The following TESK2 variants were observed in gnomAD, a reference collection of about 807,000 sequenced individuals.
TESK2 encodes dual specificity testis-specific protein kinase 2.
Under a neutral mutation model 57.1 loss-of-function variants are expected in TESK2, and 39 were observed. The ratio of observed to expected loss-of-function variants is 0.68; its 90% CI spans 0.53 to 0.89. The LOEUF (loss-of-function observed/expected upper bound fraction) is 0.89. Among genes scored for constraint, TESK2 ranks in the 40% least tolerant of loss-of-function variants. The probability of loss-of-function intolerance (pLI) is 0.00; values close to 1 mark genes in which losing one functional copy is unlikely to be tolerated. For missense variants in TESK2, 646 were observed against 732.1 expected (o/e 0.88, Z 1.36); for synonymous variants, 249 against 267.9 (o/e 0.93, Z 0.69).
intron 4 of TESK2, among the ~76,000 whole-genome samples, chr1:45,360,252 A>G (rs1647624886): frequency 6.6e-6 from 1 of 152,184 alleles, no homozygotes; most frequent in Non-Finnish European, 1.5e-5. Flanking sequence ...CAGGGTTATA[A>G]GTGGGCAGTG....
At chr1:45,406,107 C>T (rs1418167967) in intron 3 of TESK2, among the ~76,000 whole-genome samples, 1 of 151,942 alleles carries the variant, frequency 6.6e-6, no homozygotes, top group African/African-American at 2.4e-5. Context: ...TGGTGCTCAC[C>T]TGTAGTCTCA....
At chr1:45,457,074 G>A (rs1363064173) in intron 2 of TESK2, among the ~76,000 whole-genome samples, 2 of 152,046 alleles carry the variant, frequency 1.3e-5, no homozygotes, top group East Asian at 3.9e-4. Context: ...CCTCAAGCGA[G>A]CCTCCTGAGT....
intron 4 of TESK2, among the ~76,000 whole-genome samples, chr1:45,369,657 A>G (rs1648094499): frequency 6.6e-6 from 1 of 151,752 alleles, no homozygotes; most frequent in East Asian, 1.9e-4. Flanking sequence ...GAATCAGGAA[A>G]GGTTTTATGG....
intron 3 of TESK2, among the ~76,000 whole-genome samples, chr1:45,402,724 C>T (rs926538918): frequency 6.6e-6 from 1 of 151,830 alleles, no homozygotes; most frequent in Non-Finnish European, 1.5e-5. Flanking sequence ...TCAGGTGATC[C>T]GCCCACCTCG....
At chr1:45,395,922 C>A (rs1050754427) in intron 3 of TESK2, among the ~76,000 whole-genome samples, 15 of 152,184 alleles carry the variant, frequency 9.9e-5, no homozygotes, top group African/African-American at 3.6e-4. Flanking sequence ...GTTAGTCTTT[C>A]TCTGAAGGAG....
intron 2 of TESK2, among the ~76,000 whole-genome samples, chr1:45,426,084 G>A (rs1326553392): frequency 7.2e-5 from 11 of 152,036 alleles, no homozygotes; most frequent in Non-Finnish European, 5.9e-5. Flanking sequence ...CCGGGAGGCA[G>A]AGGTTGCAGT....
At chr1:45,457,498 A>T (rs1386684480) in intron 2 of TESK2, 66 bp downstream of exon 2, 1 of 1,454,448 alleles carries the variant, frequency 6.9e-7, no homozygotes, top group Non-Finnish European at 9.6e-7. Flanking sequence ...AATTAAACAC[A>T]ACTATCAACC....
At chr1:45,482,766 G>A (rs1653282541) in intron 1 of TESK2, among the ~76,000 whole-genome samples, 1 of 151,978 alleles carries the variant, frequency 6.6e-6, no homozygotes, top group African/African-American at 2.4e-5. Flanking sequence ...GATCACCTGA[G>A]GTCAGGAATT....
intron 3 of TESK2, among the ~76,000 whole-genome samples, chr1:45,408,243 G>A (rs1472291294): frequency 6.6e-6 from 1 of 152,150 alleles, no homozygotes; most frequent in Non-Finnish European, 1.5e-5. Context: ...TCTCATGCTT[G>A]ATTGGTAGTT....
chr1:45,383,913 C>CT (rs1469484837), intron 4 of TESK2, among the ~76,000 whole-genome samples: 1 of 152,038 alleles, frequency 6.6e-6, no homozygotes, highest in African/African-American at 2.4e-5. Context: ...CATATGTATA[C>CT]TTTTTCTGAT....
At chr1:45,353,560 C>A (rs1366567411) in intron 5 of TESK2, among the ~76,000 whole-genome samples, 1 of 152,162 alleles carries the variant, frequency 6.6e-6, no homozygotes, top group African/African-American at 2.4e-5. Context: ...TCATCTGGGG[C>A]AGAAGGAGTA....
intron 1 of TESK2, among the ~76,000 whole-genome samples, chr1:45,472,243 C>T (rs532657113): frequency 3.8e-4 from 45 of 118,614 alleles, no homozygotes; most frequent in Admixed American, 2.3e-3. Flanking sequence ...CAGAGCAAGA[C>T]TCCATCTCAA....
chr1:45,384,358 CGTACG>C (rs1557551210), intron 4 of TESK2, among the ~76,000 whole-genome samples: 26 of 140,010 alleles, frequency 1.9e-4, no homozygotes, highest in Non-Finnish European at 3.2e-4. Context: ...TATGTATGTA[CGTACG>C]TATCTATCTA....
chr1:45,452,675 G>C (rs997007278), intron 2 of TESK2, among the ~76,000 whole-genome samples: 1 of 151,942 alleles, frequency 6.6e-6, no homozygotes, highest in Non-Finnish European at 1.5e-5. Context: ...TGGACTTTGG[G>C]AGGCAGGTGC....
In TESK2 at chr1:45,443,705, G is replaced by T. The variant is rs372769987; in HGVS notation, c.222+13859C>A. Among the ~76,000 whole-genome samples the T allele has an allele frequency of 4.2e-4, 63 of 150,732 alleles. No homozygotes were observed. In the East Asian group the frequency reaches 0.011, roughly 27 times the overall value. On this transcript the variant is annotated intron_variant, in intron 2 of 10. Coordinates refer to ENST00000372086, the MANE Select transcript of TESK2 (RefSeq NM_007170.3). ...AAAAGTCCTTAAGTTACCTGCACTA[G>T]AAGTCAAATATTTCCTTTTATCACC... is the stretch of plus-strand genomic sequence containing the variant.
chr1:45,431,898 A>G (rs1408209838), intron 2 of TESK2, among the ~76,000 whole-genome samples: 1 of 152,170 alleles, frequency 6.6e-6, no homozygotes, highest in African/African-American at 2.4e-5. Context: ...GGTACATGTT[A>G]AGGAATTGCA....
At chr1:45,412,523 C>A (rs1407985129) in intron 3 of TESK2, among the ~76,000 whole-genome samples, 1 of 152,112 alleles carries the variant, frequency 6.6e-6, no homozygotes, top group Non-Finnish European at 1.5e-5. Context: ...TAATTTACTT[C>A]TTAAGGAGAC....
rs1455561153 is a variant in TESK2, at chr1:45,343,918, A to G, written c.*922T>C. 2.2e-5 allele frequency: 10 copies of G among 446,112 alleles called. No homozygotes were observed. The highest frequency in any genetic ancestry group is 3.5e-5 in the Non-Finnish European group (9 of 254,694). 27.6% of individuals were successfully genotyped at this position (446,112 alleles called of 1,614,324 possible). ...ACTGACTTTATTTTTAAGTCTGAAA[A>G]TGTCTTGGGAAAGTTTTACAAAAAA... On this transcript the variant is annotated 3_prime_UTR_variant, in exon 11 of 11. Coordinates refer to ENST00000372086, the MANE Select transcript of TESK2 (RefSeq NM_007170.3). This position sits in a 1 kb window ranked among gnomAD's most constrained non-coding sequence, Gnocchi z 4.3.
intron 4 of TESK2, among the ~76,000 whole-genome samples, chr1:45,369,987 AGGC>A (rs1176827477): frequency 6.6e-6 from 1 of 152,242 alleles, no homozygotes; most frequent in East Asian, 1.9e-4. Context: ...CTGGGATTAC[AGGC>A]GTCAGCCACC....
Sources: gnomAD v4.1 joint callset for allele counts (sites outside exome capture counted in the v4.1 genomes callset) on GRCh38, gnomAD v4.1.1 for gene constraint, Gnocchi (gnomAD v3.1) non-coding constraint, MANE v1.5 for transcripts, NCBI Gene and HGNC (gene_info 2026-07-23, HGNC 2026-07-21) for gene names.